IDH3B: variants seen among roughly 807,000 people sequenced by gnomAD.
The protein encoded by IDH3B is isocitrate dehydrogenase [NAD] subunit beta, mitochondrial.
Under a neutral mutation model 47.5 loss-of-function variants are expected in IDH3B, and 40 were observed. The observed-to-expected ratio is 0.84, with a 90% confidence interval of 0.65 to 1.10. IDH3B has a LOEUF of 1.10. Ranked by LOEUF, IDH3B falls within the 50% of genes least tolerant of loss-of-function variation. The pLI, the probability that IDH3B is intolerant of heterozygous loss-of-function variation, is 0.00. For synonymous variants in IDH3B, 185 were observed against 191.0 expected (o/e 0.97, Z 0.26); for missense variants, 450 against 505.2 (o/e 0.89, Z 1.05).
In IDH3B at chr20:2,663,925, C is replaced by G. The variant is rs2086997869; in HGVS notation, c.117G>C (p.Gln39His). Reference sequence around the variant, plus strand: ...AGACCCCAGCCAGATTCGTGCATACCTGGCTCCGCGATGCAGCGTGCGCCG... The same window carrying G: ...AGACCCCAGCCAGATTCGTGCATACGTGGCTCCGCGATGCAGCGTGCGCCG... The part of the protein sequence containing the change: ...SAAAHAASRS[Q>H]AEDVRVEGSF... Residue 39 changes from glutamine (Q) to histidine (H), a missense_variant and splice_region_variant, in exon 2 of 12, where the codon CAG (glutamine) becomes CAC (histidine). By Grantham distance (24) the Gln-to-His change is conservative. Coordinates refer to ENST00000380843, the MANE Select transcript of IDH3B (RefSeq NM_006899.5). 1 of 1,614,102 alleles carries G rather than the reference C, an allele frequency of 6.2e-7. No homozygotes were observed.
At chr20:2,661,117 G>A (rs867979137) in intron 4 of IDH3B, 148 bp from the exon 5 acceptor site, 3 of 732,664 alleles carry the variant, frequency 4.1e-6, no homozygotes, top group East Asian at 5.3e-5. Context: ...TGTCTCTGGG[G>A]GCAAGGGACA....
Position 2,660,494 on chromosome 20 carries a change from G to A in IDH3B, c.628C>T (p.Arg210Trp), listed in dbSNP as rs527817401. ...FAFDYATKKG[R>W]GKVTAVHKAN... ...TTGTGGACAGCAGTGACCTTGCCCCGCCCCTTCTTGGTGGCATAGTCAAAG... is the reference window on the plus strand; with the variant it reads ...TTGTGGACAGCAGTGACCTTGCCCCACCCCTTCTTGGTGGCATAGTCAAAG... The change falls in exon 7 of 12, where the codon CGG becomes TGG. Residue 210 changes from arginine to tryptophan, a missense_variant. By Grantham distance (101) the Arg-to-Trp change is moderately radical. Transcript: ENST00000380843. The surrounding 1 kb of genome is among the most constrained non-coding windows in gnomAD (Gnocchi z 5.6). 16 of 1,614,004 alleles carry A rather than the reference G, an allele frequency of 9.9e-6. No individual in the cohort carries two copies. The highest frequency in any genetic ancestry group is 4.0e-5 in the African/African-American group (3 of 74,984).
Position 2,658,566 on chromosome 20 carries a change from C to A in IDH3B, c.*185G>T, listed in dbSNP as rs561754710. On this transcript the variant is annotated 3_prime_UTR_variant, in exon 12 of 12. Transcript: ENST00000380843. ...ATCATCCATGTGGCCTGGGCTCCAT[C>A]CTAACAATCCCCATCACCACCCAAC... The A allele has an allele frequency of 1.2e-6, 2 of 1,612,432 alleles. No individual in the cohort carries two copies. The highest frequency in any genetic ancestry group is 1.7e-6 in the Non-Finnish European group (2 of 1,179,302).
In IDH3B at chr20:2,663,522, C is replaced by T. The variant is rs765800635; in HGVS notation, c.261G>A (p.Glu87=). The T allele has an allele frequency of 8.7e-6, 14 of 1,614,078 alleles. No homozygotes were observed. Among genetic ancestry groups the T allele is most frequent in the South Asian group, 2.2e-5 (2 of 91,084 alleles). The change falls in exon 4 of 12, where the codon GAG becomes GAA. Residue 87 remains glutamate (E), a synonymous_variant. Transcript: ENST00000380843. ...TCTCCTCAGATGCCATATTCTGCAC[C>T]TCACTCAGGTGGTGCTCCTGGAACT... The part of the protein sequence containing the change: ...PVEFQEHHLS[E]VQNMASEEKL...
chr20:2,658,595 C>T lies in IDH3B; in HGVS notation c.*156G>A, dbSNP rs936855233. Reference sequence around the variant, plus strand: ...ACAATCCCCATCACCACCCAACAGTCTGTCCCCTAAGGAAGCCGGCCCAAG... The same window carrying T: ...ACAATCCCCATCACCACCCAACAGTTTGTCCCCTAAGGAAGCCGGCCCAAG... On this transcript the variant is annotated 3_prime_UTR_variant, in exon 12 of 12. Coordinates refer to ENST00000380843, the MANE Select transcript of IDH3B (RefSeq NM_006899.5). 17 of 1,612,366 alleles carry T rather than the reference C, an allele frequency of 1.1e-5. No individual in the cohort carries two copies. The highest frequency in any genetic ancestry group is 2.2e-5 in the East Asian group (1 of 44,854).
intron 4 of IDH3B, among the ~76,000 whole-genome samples, chr20:2,662,340 G>A (rs2086962799): frequency 1.3e-5 from 2 of 152,202 alleles, no homozygotes; most frequent in South Asian, 4.1e-4. Context: ...TTGAAGCACA[G>A]AACAAGAGTT....
In IDH3B at chr20:2,663,852, G is replaced by A; in HGVS notation, c.117+73C>T. The A allele has an allele frequency of 3.8e-6, 6 of 1,595,342 alleles. No homozygotes were observed. In the South Asian group the frequency reaches 5.5e-5, roughly 15 times the overall value. ...AAGTAGGGAGACCCGGGAGGGGTGG[G>A]GAAAAGCCAGGGGAGGGAGCAGCGA... On this transcript the variant is annotated intron_variant, in intron 2 of 11. Coordinates refer to ENST00000380843, the MANE Select transcript of IDH3B (RefSeq NM_006899.5).
At chr20:2,663,814 C>A in intron 2 of IDH3B, 56 bp from the exon 3 acceptor site, 1 of 1,603,836 alleles carries the variant, frequency 6.2e-7, no homozygotes, top group Non-Finnish European at 8.5e-7. Context: ...GAGCACGGAT[C>A]CTGGGAGTAG....
intron 11 of IDH3B, chr20:2,659,240 G>A (rs1400987057): frequency 6.9e-7 from 1 of 1,443,308 alleles, no homozygotes. Context: ...AAGGAGAGCT[G>A]CAAGTTCTGC....
In IDH3B at chr20:2,660,156, C is replaced by G; in HGVS notation, c.789G>C (p.Gln263His). Residue 263 changes from glutamine to histidine, a missense_variant, in exon 9 of 12, where the codon CAG becomes CAC. Gln to His is a conservative substitution (Grantham distance 24, BLOSUM62 0). Coordinates refer to ENST00000380843, the MANE Select transcript of IDH3B (RefSeq NM_006899.5). The surrounding 1 kb of genome is among the most constrained non-coding windows in gnomAD (Gnocchi z 5.6). ...CCMQLVQNPY[Q>H]FDVLVMPNLY... ...GATTGGGCATCACAAGCACATCAAA[C>G]TGGTAAGGATTCTGCACCAGCTAGA... 1 of 1,614,168 alleles carries G rather than the reference C, an allele frequency of 6.2e-7. No individual in the cohort carries two copies. Among genetic ancestry groups the G allele is most frequent in the Non-Finnish European group, 8.5e-7 (1 of 1,180,024 alleles).
chr20:2,658,827 CG>C lies in IDH3B; in HGVS notation c.1081del (p.Arg361GlufsTer67). On this transcript the variant is annotated frameshift_variant, in exon 12 of 12. Coordinates refer to ENST00000380843, the MANE Select transcript of IDH3B (RefSeq NM_006899.5). LOFTEE classifies it high-confidence loss of function. ...TGTGGTGCTGTAGCCGCCCATGTCT[CG>C]AGTCCGCACCTACAGCCACCACCGG... is the stretch of plus-strand genomic sequence containing the variant. The part of the protein sequence containing the change: ...KVIKVGKVRT[R>X]DMGGYSTTTD... 6.2e-7 allele frequency: 1 copy of C among 1,614,076 alleles called. No homozygotes were observed. The highest frequency in any genetic ancestry group is 2.2e-5 in the East Asian group (1 of 44,876).
At position 2,658,713 on chromosome 20, in the gene IDH3B, G is replaced by A. The variant is rs1568545996; in HGVS notation, c.*38C>T. 19 of 1,614,176 alleles carry A rather than the reference G, an allele frequency of 1.2e-5. No homozygotes were observed. Among genetic ancestry groups the A allele is most frequent in the Non-Finnish European group, 1.6e-5 (19 of 1,180,028 alleles). On this transcript the variant is annotated 3_prime_UTR_variant, in exon 12 of 12. Coordinates refer to ENST00000380843, the MANE Select transcript of IDH3B (RefSeq NM_006899.5). ...GGTACACTGCACTGAAGGGTATGGG[G>A]AGTGTGGTCCTTGCAAGGTTGGAAG...
Position 2,660,074 on chromosome 20 carries a change from C to T in IDH3B, c.871G>A (p.Val291Ile), listed in dbSNP as rs1378857333. Residue 291 changes from valine to isoleucine, a missense_variant, in exon 9 of 12, where the codon GTC becomes ATC. Physicochemically the swap from Val to Ile is conservative, Grantham distance 29 (BLOSUM62 3). Coordinates refer to ENST00000380843, the MANE Select transcript of IDH3B (RefSeq NM_006899.5). This position sits in a 1 kb window ranked among gnomAD's most constrained non-coding sequence, Gnocchi z 5.6. ...AAGLVGGAGV[V>I]PGESYSAEYA... Reference sequence around the variant, plus strand: ...TCTGCACTATAGCTCTCACCAGGGACCACACCAGCTCCCCCAACCAGGCCA... The same window carrying T: ...TCTGCACTATAGCTCTCACCAGGGATCACACCAGCTCCCCCAACCAGGCCA... 6.2e-7 allele frequency: 1 copy of T among 1,614,000 alleles called. No individual in the cohort carries two copies. Among genetic ancestry groups the T allele is most frequent in the Non-Finnish European group, 8.5e-7 (1 of 1,180,010 alleles).
chr20:2,664,049 T>G (rs1183243083), intron 1 of IDH3B, 44 bp from the exon 2 acceptor site: 9 of 1,611,684 alleles, frequency 5.6e-6, no homozygotes, highest in Non-Finnish European at 7.6e-6. Context: ...CTTTGAGACA[T>G]CCAGACCCCG....
At chr20:2,662,202 G>A (rs895785658) in intron 4 of IDH3B, among the ~76,000 whole-genome samples, 2 of 152,150 alleles carry the variant, frequency 1.3e-5, no homozygotes, top group Non-Finnish European at 1.5e-5. Context: ...GGCAGCTATG[G>A]GAAACTAATA....
At chr20:2,663,797 G>A (rs1482149407) in intron 2 of IDH3B, 39 bp from the exon 3 acceptor site, 2 of 1,608,482 alleles carry the variant, frequency 1.2e-6, no homozygotes, top group Admixed American at 1.7e-5. Flanking sequence ...AGATAGAGCT[G>A]GGGCGGGAGC....
intron 4 of IDH3B, among the ~76,000 whole-genome samples, chr20:2,661,697 G>A (rs1051361800): frequency 2.0e-5 from 3 of 152,108 alleles, no homozygotes; most frequent in Non-Finnish European, 2.9e-5. Flanking sequence ...TACAACTCCT[G>A]CCCTTGAGAA....
At position 2,663,428 on chromosome 20, in the gene IDH3B, G is replaced by T; in HGVS notation, c.337+18C>A. 4.3e-6 allele frequency: 7 copies of T among 1,613,926 alleles called. No individual in the cohort carries two copies. The highest frequency in any genetic ancestry group is 5.9e-6 in the Non-Finnish European group (7 of 1,179,826). ...ATTTTAAATGGCACATGGACAAGTG[G>T]CAAGAGGGCACACATACCAATGATG... is the stretch of plus-strand genomic sequence containing the variant. On this transcript the variant is annotated intron_variant, in intron 4 of 11. Transcript: ENST00000380843.
At position 2,660,495 on chromosome 20, in the gene IDH3B, C is replaced by G. The variant is rs779149657; in HGVS notation, c.627G>C (p.Gly209=). The G allele has an allele frequency of 1.2e-6, 2 of 1,614,154 alleles. No homozygotes were observed. The highest frequency in any genetic ancestry group is 1.7e-6 in the Non-Finnish European group (2 of 1,180,020). ...TGTGGACAGCAGTGACCTTGCCCCG[C>G]CCCTTCTTGGTGGCATAGTCAAAGG... ...KFAFDYATKK[G]RGKVTAVHKA... Residue 209 remains glycine, a synonymous_variant, in exon 7 of 12, where the codon GGG becomes GGC. Coordinates refer to ENST00000380843, the MANE Select transcript of IDH3B (RefSeq NM_006899.5). This position sits in a 1 kb window ranked among gnomAD's most constrained non-coding sequence, Gnocchi z 5.6.
Sources: allele counts gnomAD v4.1 joint callset (sites outside exome capture counted in the v4.1 genomes callset), GRCh38; gene constraint gnomAD v4.1.1; non-coding constraint Gnocchi (gnomAD v3.1); transcripts MANE v1.5; gene names NCBI Gene and HGNC (gene_info 2026-07-23, HGNC 2026-07-21).